The following STIM1 variants were observed in gnomAD, a reference collection of about 807,000 sequenced individuals.
The protein encoded by STIM1 is stromal interaction molecule 1.
STIM1 carries 25 observed loss-of-function variants against 74.7 expected under a neutral mutation model. The observed-to-expected ratio is 0.33, with a 90% CI of 0.24 to 0.47. STIM1 has a LOEUF of 0.47. STIM1 is among the 20% of genes least tolerant of loss of function. STIM1 has a pLI of 1.00. For missense variants in STIM1, 728 were observed against 920.8 expected, an observed-to-expected ratio of 0.79 and a Z score of 2.71; for synonymous variants, 328 against 348.8, an observed-to-expected ratio of 0.94 and a Z score of 0.66.
At chr11:3,908,334 C>T (rs144259083) in intron 1 of STIM1, among the ~76,000 whole-genome samples, 149 of 152,308 alleles carry the variant, frequency 9.8e-4, no homozygotes, top group African/African-American at 3.5e-3. Context: ...ATTTGCTGGC[C>T]AGGCACGGCG....
chr11:3,970,597 C>T (rs7926343), intron 2 of STIM1, among the ~76,000 whole-genome samples: 6,836 of 150,204 alleles, frequency 0.046, 486 homozygotes, highest in African/African-American at 0.15. Context: ...ATTTAATACA[C>T]GTGTTCTTAA....
At chr11:3,957,945 A>C (rs1471004040) in intron 1 of STIM1, among the ~76,000 whole-genome samples, 2 of 151,916 alleles carry the variant, frequency 1.3e-5, no homozygotes, top group Non-Finnish European at 2.9e-5. Flanking sequence ...GACTCACTGC[A>C]ACCTCCACCT....
In STIM1 at chr11:4,074,485, C is replaced by A; in HGVS notation, c.792-17C>A. 1 of 1,613,038 alleles carries A rather than the reference C, an allele frequency of 6.2e-7. No individual in the cohort carries two copies. ...CCCTTGCCTGGCCTCCTCCAGCTCCCTGCATTGCCCCCCCAGGCTGCACAA... is the reference window on the plus strand; with the variant it reads ...CCCTTGCCTGGCCTCCTCCAGCTCCATGCATTGCCCCCCCAGGCTGCACAA... On this transcript the variant is annotated splice_polypyrimidine_tract_variant and intron_variant, in intron 6 of 12. Coordinates refer to ENST00000526596, the MANE Select transcript of STIM1 (RefSeq NM_001382567.1).
intron 1 of STIM1, among the ~76,000 whole-genome samples, chr11:3,858,261 G>A (rs1218045409): frequency 3.0e-5 from 4 of 134,574 alleles, no homozygotes; most frequent in Non-Finnish European, 4.8e-5. Flanking sequence ...TTTGTTTTTC[G>A]CCTGAAGTAA....
At chr11:3,991,476 C>G (rs1202379654) in intron 2 of STIM1, among the ~76,000 whole-genome samples, 1 of 151,904 alleles carries the variant, frequency 6.6e-6, no homozygotes, top group African/African-American at 2.4e-5. Flanking sequence ...TGGCCTGTAT[C>G]ACATTAATTA....
At chr11:4,021,787 A>G (rs2093958009) in intron 2 of STIM1, among the ~76,000 whole-genome samples, 1 of 152,114 alleles carries the variant, frequency 6.6e-6, no homozygotes, top group African/African-American at 2.4e-5. Context: ...TGAATATTTT[A>G]ACAATATTAA....
At chr11:3,970,074 C>CTTTTTTTTTTTTTTTTTTTTTTTTTT (rs145136493) in intron 2 of STIM1, among the ~76,000 whole-genome samples, 5 of 139,074 alleles carry the variant, frequency 3.6e-5, no homozygotes, top group Non-Finnish European at 6.2e-5. Context: ...GCTCCTCATC[C>CTTTTTTTTTTTTTTTTTTTTTTTTTT]TTTTTTTTTT....
At chr11:3,985,205 C>T (rs889657490) in intron 2 of STIM1, among the ~76,000 whole-genome samples, 1 of 152,122 alleles carries the variant, frequency 6.6e-6, no homozygotes, top group African/African-American at 2.4e-5. Flanking sequence ...GTTTTCCTTC[C>T]CCCCTCTTTG....
intron 2 of STIM1, among the ~76,000 whole-genome samples, chr11:4,011,548 C>G (rs1410531487): frequency 1.3e-5 from 2 of 152,140 alleles, no homozygotes; most frequent in Non-Finnish European, 2.9e-5. Context: ...TGTTCATATT[C>G]TTCACCTACT....
intron 1 of STIM1, among the ~76,000 whole-genome samples, chr11:3,891,101 A>G (rs1590532271): frequency 6.6e-6 from 1 of 152,190 alleles, no homozygotes; most frequent in Admixed American, 6.5e-5. Flanking sequence ...GTCAGGTACA[A>G]TTACATATTT....
chr11:3,996,421 C>T (rs984839201), intron 2 of STIM1, among the ~76,000 whole-genome samples: 57 of 152,276 alleles, frequency 3.7e-4, no homozygotes, highest in Admixed American at 3.0e-3. Flanking sequence ...GGGGTTTAAA[C>T]GGGACAAAAG....
intron 1 of STIM1, among the ~76,000 whole-genome samples, chr11:3,913,117 T>C (rs2092591474): frequency 6.6e-6 from 1 of 152,208 alleles, no homozygotes; most frequent in Non-Finnish European, 1.5e-5. Flanking sequence ...TTTGAGGGTC[T>C]CTTAGTTACA....
intron 3 of STIM1, among the ~76,000 whole-genome samples, chr11:4,054,196 G>A (rs886822625): frequency 6.6e-6 from 1 of 152,344 alleles, no homozygotes; most frequent in African/African-American, 2.4e-5. Flanking sequence ...TAAGCACACA[G>A]TAGATGTGAG....
intron 4 of STIM1, 122 bp downstream of exon 4, chr11:4,055,759 A>ACC: frequency 1.5e-6 from 1 of 680,112 alleles, no homozygotes; most frequent in Non-Finnish European, 2.5e-6. Context: ...GCGTCTATAG[A>ACC]TCTTGCCTCT....
At chr11:4,089,596 A>G (rs753642107) in intron 12 of STIM1, among the ~76,000 whole-genome samples, 2 of 152,246 alleles carry the variant, frequency 1.3e-5, no homozygotes, top group Non-Finnish European at 2.9e-5. Context: ...TATTTGTAGA[A>G]TGGAAGCTGA....
At chr11:4,017,000 G>A (rs1332318789) in intron 2 of STIM1, among the ~76,000 whole-genome samples, 3 of 152,234 alleles carry the variant, frequency 2.0e-5, no homozygotes, top group East Asian at 1.9e-4. Flanking sequence ...GGCTAGGAAA[G>A]GGAAATCCCC....
chr11:4,044,802 C>G (rs1341617462), intron 3 of STIM1, among the ~76,000 whole-genome samples: 2 of 152,160 alleles, frequency 1.3e-5, no homozygotes, highest in Non-Finnish European at 2.9e-5. Flanking sequence ...TTGGCAACCC[C>G]GTGCCTCACT....
At chr11:4,042,321 T>G (rs535837293) in intron 3 of STIM1, among the ~76,000 whole-genome samples, 1 of 152,338 alleles carries the variant, frequency 6.6e-6, no homozygotes, top group East Asian at 1.9e-4. Flanking sequence ...AGGCCTTCCC[T>G]AATCTGACCT....
chr11:3,992,044 T>G (rs2093618577), intron 2 of STIM1, among the ~76,000 whole-genome samples: 1 of 144,342 alleles, frequency 6.9e-6, no homozygotes, highest in Non-Finnish European at 1.5e-5. Context: ...CAACTGTGTA[T>G]AAGTGTTTTC....
Sources: allele counts gnomAD v4.1 joint callset (sites outside exome capture counted in the v4.1 genomes callset), GRCh38; gene constraint gnomAD v4.1.1; transcripts MANE v1.5; gene names NCBI Gene and HGNC (gene_info 2026-07-23, HGNC 2026-07-21).